RYR2: variants seen among roughly 807,000 people sequenced by gnomAD.
The protein encoded by RYR2 is cardiac muscle ryanodine receptor-calcium release channel.
A neutral mutation model predicts 601.1 loss-of-function variants in RYR2; 227 were observed. The observed-to-expected ratio is 0.38, with a 90% CI of 0.34 to 0.42. RYR2 has a LOEUF of 0.42. Ranked by LOEUF, RYR2 falls within the 10% of genes least tolerant of loss-of-function variation. The pLI is 1.00. For synonymous variants in RYR2, 2,223 were observed against 2,175.1 expected (o/e 1.02, Z -0.61); for missense variants, 4,646 against 6,156.5 (o/e 0.75, Z 8.21).
chr1:237,709,457 A>G, intron 69 of RYR2, 23 bp from the exon 70 acceptor site: 3 of 1,510,618 alleles, frequency 2.0e-6, no homozygotes, highest in Non-Finnish European at 2.7e-6. Context: ...CTGAGAAACC[A>G]CTTTATTTAT....
At chr1:237,550,903 G>C (rs1029394621) in intron 27 of RYR2, among the ~76,000 whole-genome samples, 5 of 152,080 alleles carry the variant, frequency 3.3e-5, no homozygotes, top group African/African-American at 1.2e-4. Flanking sequence ...TTCTTTGGGC[G>C]GAGAAAATGG....
chr1:237,785,141 T>G, intron 90 of RYR2, 169 bp downstream of exon 90: 1 of 631,216 alleles, frequency 1.6e-6, no homozygotes, highest in Admixed American at 2.6e-5. Flanking sequence ...TTAAGAGTCC[T>G]TATGAATTAT....
At chr1:237,198,272 T>G (rs1680781857) in intron 1 of RYR2, among the ~76,000 whole-genome samples, 1 of 152,202 alleles carries the variant, frequency 6.6e-6, no homozygotes, top group Non-Finnish European at 1.5e-5. Context: ...CTATTTAGTT[T>G]ATGTGTTGAG....
Position 237,478,323 on chromosome 1 carries a change from G to A in RYR2, c.1708+9136G>A, listed in dbSNP as rs938654610. On this transcript the variant is annotated intron_variant, in intron 17 of 104. Transcript: ENST00000366574. ...ATAGCTGTATGACCTTGACCAAGTC[G>A]CTTAGCTCCTCTGTGCTTCCCGTTT... is the stretch of plus-strand genomic sequence containing the variant. 7.9e-5 allele frequency among the ~76,000 whole-genome samples: 12 copies of A among 152,270 alleles called. No homozygotes were observed. The South Asian group carries it at 8.3e-4, about 11-fold the overall frequency.
chr1:237,501,681 A>G (rs1664655613), intron 21 of RYR2, among the ~76,000 whole-genome samples: 1 of 152,236 alleles, frequency 6.6e-6, no homozygotes, highest in South Asian at 2.1e-4. Context: ...TGAAGAAGAA[A>G]CAGAGTAATC....
intron 38 of RYR2, among the ~76,000 whole-genome samples, chr1:237,623,006 T>G (rs145520342): frequency 1.3e-5 from 2 of 152,354 alleles, no homozygotes; most frequent in East Asian, 3.9e-4. Context: ...CCTTCTTATT[T>G]GTGTCTGTGT....
chr1:237,404,106 C>T (rs968574415), intron 10 of RYR2, among the ~76,000 whole-genome samples: 1 of 152,048 alleles, frequency 6.6e-6, no homozygotes, highest in African/African-American at 2.4e-5. Context: ...ATACAAAAAT[C>T]AGCCAGGCCT....
At chr1:237,313,771 C>T (rs1694810905) in intron 2 of RYR2, among the ~76,000 whole-genome samples, 1 of 152,100 alleles carries the variant, frequency 6.6e-6, no homozygotes, top group Non-Finnish European at 1.5e-5. Flanking sequence ...TAGTTTCTAA[C>T]TTAATGAAAA....
At chr1:237,152,766 A>T (rs999581228) in intron 1 of RYR2, among the ~76,000 whole-genome samples, 4 of 152,218 alleles carry the variant, frequency 2.6e-5, no homozygotes, top group African/African-American at 9.6e-5. Context: ...TTATGATGAA[A>T]TCACCAAAAG....
At chr1:237,689,957 G>A (rs986421264) in intron 63 of RYR2, among the ~76,000 whole-genome samples, 1 of 150,824 alleles carries the variant, frequency 6.6e-6, no homozygotes, top group Admixed American at 6.6e-5. Context: ...CAATTTTCCT[G>A]CCTCAGCCTC....
chr1:237,148,271 G>A (rs1267161903), intron 1 of RYR2, among the ~76,000 whole-genome samples: 2 of 151,792 alleles, frequency 1.3e-5, no homozygotes, highest in Admixed American at 1.3e-4. Flanking sequence ...ACCAAACACC[G>A]CATGTTCTCA....
intron 65 of RYR2, 63 bp downstream of exon 65, chr1:237,700,530 A>C (rs780630926): frequency 3.6e-5 from 29 of 803,382 alleles, no homozygotes; most frequent in African/African-American, 7.0e-5. Context: ...AGTACAATCA[A>C]AAACAGTAAT....
At chr1:237,287,365 GC>G (rs576325974) in intron 2 of RYR2, among the ~76,000 whole-genome samples, 42 of 152,250 alleles carry the variant, frequency 2.8e-4, no homozygotes, top group African/African-American at 9.6e-4. Flanking sequence ...CTCTAGCAAG[GC>G]CAGGGAAGTT....
chr1:237,620,606 A>T (rs1373371109), intron 38 of RYR2, among the ~76,000 whole-genome samples: 1 of 152,142 alleles, frequency 6.6e-6, no homozygotes, highest in Non-Finnish European at 1.5e-5. Flanking sequence ...GAAAAGTTAA[A>T]GGAATATGTA....
intron 36 of RYR2, among the ~76,000 whole-genome samples, 164 bp downstream of exon 36, chr1:237,611,152 CTAAGTT>C (rs1360123478): frequency 1.4e-4 from 21 of 152,148 alleles, no homozygotes; most frequent in Admixed American, 1.2e-3. Flanking sequence ...TCTGCGTATT[CTAAGTT>C]TAAGTTTATT....
rs964832396 is a variant in RYR2, at chr1:237,551,497, C to T, written c.3214+806C>T. ...AGTGAGCCGAGATGGCGCCACTGCA[C>T]TCCAGCCTGGGTGACAGAGCAAGAC... On this transcript the variant is annotated intron_variant, in intron 27 of 104. Transcript: ENST00000366574. 3.0e-4 allele frequency among the ~76,000 whole-genome samples: 44 copies of T among 147,296 alleles called. 1 individual carries two copies. The highest frequency in any genetic ancestry group is 9.8e-4 in the African/African-American group (39 of 39,818).
In RYR2 at chr1:237,784,772, C is replaced by A. The variant is rs1695411401; in HGVS notation, c.13060C>A (p.Leu4354Met). ...TGGGGAGGAGGGAGAGAGGAAACCC[C>A]TGGAAGCCGCCCTGCCCTCCGAGGA... ...GDGEEGERKPLEAALPSEDLT... is the reference protein window; with the variant it reads ...GDGEEGERKPMEAALPSEDLT... Residue 4354 changes from leucine to methionine, a missense_variant, in exon 90 of 105, where the codon CTG becomes ATG. Leu to Met is a conservative substitution (Grantham distance 15). Around this residue, in one of 17 missense-constraint regions of RYR2, gnomAD observed 364 missense variants for 442.9 expected, o/e 0.82. Transcript: ENST00000366574. This position sits in a 1 kb window ranked among gnomAD's most constrained non-coding sequence, Gnocchi z 7.1. 1 of 1,605,730 alleles carries A rather than the reference C, an allele frequency of 6.2e-7. No homozygotes were observed. The highest frequency in any genetic ancestry group is 1.3e-5 in the African/African-American group (1 of 74,588).
At chr1:237,073,875 A>AAAAAG (rs1664687138) in intron 1 of RYR2, among the ~76,000 whole-genome samples, 1 of 151,570 alleles carries the variant, frequency 6.6e-6, no homozygotes, top group Non-Finnish European at 1.5e-5. Context: ...TTAAAAAAAA[A>AAAAAG]AAAAAAAAAG....
intron 71 of RYR2, among the ~76,000 whole-genome samples, chr1:237,715,445 T>A (rs1689193324): frequency 6.6e-6 from 1 of 152,222 alleles, no homozygotes. Flanking sequence ...AGATTTCTTC[T>A]GGGGTGGAAA....
Sources: gnomAD v4.1 joint callset for allele counts (sites outside exome capture counted in the v4.1 genomes callset) on GRCh38, gnomAD v4.1.1 for gene constraint, gnomAD v4.1.1 regional missense constraint, Gnocchi (gnomAD v3.1) non-coding constraint, MANE v1.5 for transcripts, NCBI Gene and HGNC (gene_info 2026-07-23, HGNC 2026-07-21) for gene names.